The following SLC16A4 variants were observed in gnomAD, a reference collection of about 807,000 sequenced individuals.
SLC16A4 encodes the protein probable monocarboxylate transporter 5.
A neutral mutation model predicts 47.9 loss-of-function variants in SLC16A4; 39 were observed. The observed-to-expected ratio is 0.81, with a 90% CI of 0.63 to 1.06. The LOEUF (loss-of-function observed/expected upper bound fraction) is 1.06, where lower values mean the gene tolerates loss of function less well. Ranked by LOEUF, SLC16A4 falls within the 50% of genes least tolerant of loss-of-function variation. SLC16A4 has a pLI of 0.00. For missense variants in SLC16A4, 524 were observed against 573.8 expected (o/e 0.91, Z 0.89); for synonymous variants, 189 against 199.9 (o/e 0.95, Z 0.46).
intron 7 of SLC16A4, among the ~76,000 whole-genome samples, chr1:110,375,942 T>C (rs1195272281): frequency 6.6e-6 from 1 of 152,164 alleles, no homozygotes; most frequent in Non-Finnish European, 1.5e-5. Context: ...TGCAGTGGTG[T>C]GATCTTGGCT....
intron 6 of SLC16A4, among the ~76,000 whole-genome samples, chr1:110,378,467 C>G (rs1206488853): frequency 6.6e-6 from 1 of 152,106 alleles, no homozygotes; most frequent in Admixed American, 6.6e-5. Context: ...GGAAGTCTTG[C>G]TCCAGAACCA....
At chr1:110,369,935 C>T (rs61217397) in intron 8 of SLC16A4, among the ~76,000 whole-genome samples, 44 of 152,170 alleles carry the variant, frequency 2.9e-4, no homozygotes, top group African/African-American at 1.0e-3. Flanking sequence ...GTAAAGTTTC[C>T]TTGATAGAAA....
intron 5 of SLC16A4, among the ~76,000 whole-genome samples, chr1:110,380,501 A>G (rs1245603824): frequency 6.6e-6 from 1 of 152,188 alleles, no homozygotes; most frequent in Non-Finnish European, 1.5e-5. Flanking sequence ...CTCTTAAGGA[A>G]CATACTCTTT....
intron 8 of SLC16A4, among the ~76,000 whole-genome samples, chr1:110,367,395 C>T (rs1398350340): frequency 6.6e-6 from 1 of 152,190 alleles, no homozygotes; most frequent in Admixed American, 6.5e-5. Context: ...ATAATCTTAG[C>T]ACTTTGGGAG....
At chr1:110,388,645 C>T (rs1485775679) in intron 2 of SLC16A4, among the ~76,000 whole-genome samples, 1 of 152,156 alleles carries the variant, frequency 6.6e-6, no homozygotes, top group East Asian at 1.9e-4. Context: ...TACAGAACTG[C>T]TGATTGTGAC....
chr1:110,385,018 A>G (rs1432692676), intron 2 of SLC16A4, among the ~76,000 whole-genome samples: 2 of 152,292 alleles, frequency 1.3e-5, no homozygotes, highest in Middle Eastern at 3.4e-3. Flanking sequence ...CTCAAAATTA[A>G]TAATAATAAA....
At chr1:110,381,606 C>T (rs1159878094) in intron 4 of SLC16A4, 46 bp downstream of exon 4, 4 of 1,580,144 alleles carry the variant, frequency 2.5e-6, no homozygotes, top group African/African-American at 1.4e-5. Flanking sequence ...CAAGTGTGAG[C>T]CACCACTCCT....
intron 6 of SLC16A4, among the ~76,000 whole-genome samples, chr1:110,378,000 T>TAA (rs1662107859): frequency 1.3e-5 from 2 of 152,018 alleles, no homozygotes; most frequent in Admixed American, 1.3e-4. Flanking sequence ...TGGCTAATTT[T>TAA]TTGTATTTTT....
chr1:110,386,357 T>G (rs1662732724), intron 2 of SLC16A4, among the ~76,000 whole-genome samples: 1 of 152,230 alleles, frequency 6.6e-6, no homozygotes, highest in Non-Finnish European at 1.5e-5. Flanking sequence ...CTTAGTTAAT[T>G]TAGCAGACTA....
intron 8 of SLC16A4, among the ~76,000 whole-genome samples, chr1:110,374,311 G>A (rs889478097): frequency 1.3e-5 from 2 of 152,212 alleles, no homozygotes; most frequent in African/African-American, 4.8e-5. Flanking sequence ...AAAGTGCTGG[G>A]ATTACAGGCA....
At chr1:110,368,728 T>G (rs1393620523) in intron 8 of SLC16A4, among the ~76,000 whole-genome samples, 1 of 152,074 alleles carries the variant, frequency 6.6e-6, no homozygotes, top group Non-Finnish European at 1.5e-5. Context: ...TGCAAACCAT[T>G]TTTTTTACAG....
At chr1:110,370,629 A>G (rs1661636917) in intron 8 of SLC16A4, 1 of 152,118 alleles carries the variant, frequency 6.6e-6, no homozygotes, top group African/African-American at 2.4e-5. Context: ...TACCAGTCTC[A>G]CTCCATGGTA....
intron 8 of SLC16A4, chr1:110,375,143 T>C (rs1254297298): frequency 3.4e-5 from 7 of 205,360 alleles, no homozygotes; most frequent in Admixed American, 1.1e-4. Flanking sequence ...TTTTTTTTTT[T>C]TTTTAAAGCA....
intron 5 of SLC16A4, among the ~76,000 whole-genome samples, 168 bp from the exon 6 acceptor site, chr1:110,379,524 TA>T (rs1411088332): frequency 6.6e-6 from 1 of 151,760 alleles, no homozygotes; most frequent in African/African-American, 2.4e-5. Context: ...ATCCGTGTAA[TA>T]ATGTAGTGCT....
chr1:110,383,829 T>G (rs1171163785), intron 2 of SLC16A4, among the ~76,000 whole-genome samples: 1 of 130,674 alleles, frequency 7.7e-6, no homozygotes, highest in African/African-American at 3.3e-5. Context: ...TTTTTTTTTT[T>G]TTTGGAAACG....
chr1:110,375,450 G>C lies in SLC16A4; in HGVS notation c.1336+8C>G, dbSNP rs868522293. ...TGAAATTTGTTCAGAATGTGGTGAA[G>C]GTGTTACCTGCTATAGGTGGTCCAG... is the stretch of plus-strand genomic sequence containing the variant. On this transcript the variant is annotated splice_region_variant and intron_variant, in intron 8 of 8. Coordinates refer to ENST00000369779, the MANE Select transcript of SLC16A4 (RefSeq NM_004696.3). 1.3e-6 allele frequency: 2 copies of C among 1,555,988 alleles called. No homozygotes were observed. The highest frequency in any genetic ancestry group is 3.4e-4 in the Middle Eastern group (2 of 5,944).
intron 1 of SLC16A4, 50 bp from the exon 2 acceptor site, chr1:110,389,405 A>C: frequency 9.2e-7 from 1 of 1,090,830 alleles, no homozygotes; most frequent in Non-Finnish European, 1.4e-6. Context: ...ACTAATCTAA[A>C]CTTTTAAACT....
intron 8 of SLC16A4, among the ~76,000 whole-genome samples, chr1:110,373,527 C>T (rs915743634): frequency 1.3e-5 from 2 of 152,026 alleles, no homozygotes; most frequent in African/African-American, 2.4e-5. Context: ...AGGTATGAAA[C>T]GTAGGCTAAG....
At chr1:110,377,649 G>C (rs1662081864) in intron 6 of SLC16A4, among the ~76,000 whole-genome samples, 1 of 152,146 alleles carries the variant, frequency 6.6e-6, no homozygotes, top group Non-Finnish European at 1.5e-5. Flanking sequence ...CGAAGTTTTA[G>C]GAAGTAAGTC....
Sources: gnomAD v4.1 joint callset for allele counts (sites outside exome capture counted in the v4.1 genomes callset) on GRCh38, gnomAD v4.1.1 for gene constraint, MANE v1.5 for transcripts, NCBI Gene and HGNC (gene_info 2026-07-23, HGNC 2026-07-21) for gene names.